Variants in DOC2B observed in about 807,000 individuals in gnomAD.
The protein encoded by DOC2B is double C2-like domain-containing protein beta.
A neutral mutation model predicts 28.9 loss-of-function variants in DOC2B; 21 were observed. That is an observed-to-expected ratio of 0.73 (90% CI 0.52 to 1.05). DOC2B has a LOEUF of 1.05. Ranked by LOEUF, DOC2B falls within the 50% of genes least tolerant of loss-of-function variation. The pLI, the probability that DOC2B is intolerant of heterozygous loss-of-function variation, is 0.00. For missense variants in DOC2B, 384 were observed against 421.1 expected (o/e 0.91, Z 0.77); for synonymous variants, 194 against 178.1 (o/e 1.09, Z -0.71).
intron 1 of DOC2B, among the ~76,000 whole-genome samples, chr17:177,829 T>C (rs2040388385): frequency 6.6e-6 from 1 of 152,276 alleles, no homozygotes; most frequent in Non-Finnish European, 1.5e-5. Flanking sequence ...CCATGGGGGC[T>C]GGAATATGCC....
rs1272320241 is a variant in DOC2B, at chr17:145,883, T to C, written c.*1558A>G. 2.0e-5 allele frequency: 3 copies of C among 152,510 alleles called. No individual in the cohort carries two copies. Among genetic ancestry groups the C allele is most frequent in the Non-Finnish European group, 2.9e-5 (2 of 68,282 alleles). The allele number at this position is 152,510 out of a possible 1,614,324, so 9.4% of individuals were successfully genotyped here. On this transcript the variant is annotated 3_prime_UTR_variant, in exon 9 of 9. Transcript: ENST00000613549. ...TGGGGCCTGGAAGGCCCTGGGCAGG[T>C]CACCTGACCTCTCTGGGCCTGTTTC...
At chr17:176,974 C>A (rs527429952) in intron 1 of DOC2B, among the ~76,000 whole-genome samples, 1 of 152,026 alleles carries the variant, frequency 6.6e-6, no homozygotes, top group African/African-American at 2.4e-5. Flanking sequence ...TCATCATAAC[C>A]TTGGTTTGCA....
chr17:164,081 G>T (rs1555523604), intron 3 of DOC2B, 49 bp downstream of exon 3: 2 of 1,424,576 alleles, frequency 1.4e-6, no homozygotes, highest in Non-Finnish European at 1.9e-6. Context: ...CATTGCCTGA[G>T]GTGGTGGGCG....
rs2040015205 is a variant in DOC2B, at chr17:145,928, G to A, written c.*1513C>T. The A allele has an allele frequency of 6.6e-6, 1 of 152,400 alleles. No individual in the cohort carries two copies. The highest frequency in any genetic ancestry group is 6.5e-5 in the Admixed American group (1 of 15,294). The allele number at this position is 152,400 out of a possible 1,614,324, so 9.4% of individuals were successfully genotyped here. ...TGTTTCCATCACACACTGATGGGCT[G>A]AGCACACTGGGACTCTGGCTGTGCA... On this transcript the variant is annotated 3_prime_UTR_variant, in exon 9 of 9. Transcript: ENST00000613549.
At chr17:150,988 A>T (rs915993262) in intron 6 of DOC2B, among the ~76,000 whole-genome samples, 24 of 152,206 alleles carry the variant, frequency 1.6e-4, no homozygotes, top group Non-Finnish European at 3.1e-4. Context: ...TTGAGACAGA[A>T]AACAGGTGAG....
intron 1 of DOC2B, among the ~76,000 whole-genome samples, chr17:180,749 C>T (rs1047561531): frequency 5.9e-5 from 9 of 151,850 alleles, no homozygotes; most frequent in Admixed American, 1.3e-4. Context: ...CGGGACGCAG[C>T]TCCGCCCTTC....
chr17:164,397 A>G (rs899913713), intron 2 of DOC2B, among the ~76,000 whole-genome samples, 193 bp from the exon 3 acceptor site: 1 of 152,032 alleles, frequency 6.6e-6, no homozygotes, highest in Non-Finnish European at 1.5e-5. Context: ...CCCCTCCCCA[A>G]AACATCCTGG....
intron 5 of DOC2B, among the ~76,000 whole-genome samples, chr17:160,772 G>A (rs552991887): frequency 5.9e-5 from 9 of 152,180 alleles, no homozygotes; most frequent in Non-Finnish European, 1.0e-4. Context: ...CTCAGAGGGC[G>A]TAGCTGCTGG....
intron 1 of DOC2B, among the ~76,000 whole-genome samples, chr17:180,620 G>A (rs1050030206): frequency 3.9e-5 from 6 of 152,024 alleles, no homozygotes; most frequent in African/African-American, 4.8e-5. Context: ...AGGCCGGGCC[G>A]CTCCCAGCCT....
intron 2 of DOC2B, among the ~76,000 whole-genome samples, chr17:170,466 C>G (rs1179024866): frequency 6.6e-6 from 1 of 152,124 alleles, no homozygotes; most frequent in East Asian, 1.9e-4. Context: ...CAAGGGCAGC[C>G]CTTGCTGCCA....
intron 2 of DOC2B, among the ~76,000 whole-genome samples, chr17:169,322 A>C (rs1424285529): frequency 3.3e-5 from 5 of 151,870 alleles, no homozygotes; most frequent in African/African-American, 1.2e-4. Context: ...TAGAGAAGGA[A>C]GCCAAATGGC....
rs968843218 is a variant in DOC2B, at chr17:157,080, CAG to C, written c.766-705_766-704del. Among the ~76,000 whole-genome samples the C allele has an allele frequency of 1.0e-3, 157 of 152,350 alleles. 1 individual carries two copies. The highest frequency in any genetic ancestry group is 3.5e-3 in the African/African-American group (145 of 41,582). The stretch of plus-strand genomic sequence containing the variant: ...TGGTGGCCACAGATTGCGAGGCACA[CAG>C]AGCCTAACATTAGCGCTAAGCGGCC... On this transcript the variant is annotated intron_variant, in intron 5 of 8. Coordinates refer to ENST00000613549, the MANE Select transcript of DOC2B (RefSeq NM_003585.5).
chr17:163,407 G>C (rs553017372), intron 3 of DOC2B: 1 of 152,268 alleles, frequency 6.6e-6, no homozygotes, highest in East Asian at 1.9e-4. Context: ...GGCTGCTGTG[G>C]GCCCCAGGCC....
At chr17:149,956 G>A (rs2040054401) in intron 6 of DOC2B, among the ~76,000 whole-genome samples, 1 of 152,164 alleles carries the variant, frequency 6.6e-6, no homozygotes, top group African/African-American at 2.4e-5. Context: ...TTTGAGGAAG[G>A]ACAAGACCTT....
At chr17:147,873 C>G (rs2040032646) in intron 8 of DOC2B, among the ~76,000 whole-genome samples, 1 of 152,240 alleles carries the variant, frequency 6.6e-6, no homozygotes, top group South Asian at 2.1e-4. Flanking sequence ...TATGCGCAGC[C>G]ACCAGGCCCA....
intron 8 of DOC2B, among the ~76,000 whole-genome samples, chr17:147,827 G>C (rs2040032297): frequency 1.3e-5 from 2 of 152,214 alleles, no homozygotes; most frequent in Non-Finnish European, 2.9e-5. Context: ...AAGGAATGGG[G>C]GCCTGAAGAG....
intron 8 of DOC2B, 126 bp from the exon 9 acceptor site, chr17:147,703 A>G: frequency 5.0e-6 from 2 of 398,312 alleles, no homozygotes. Flanking sequence ...GGTTCTGAGC[A>G]TGAACAGGAC....
chr17:172,116 A>G lies in DOC2B; in HGVS notation c.453+421T>C, dbSNP rs188083387. Among the ~76,000 whole-genome samples, 21 of 152,180 alleles carry G rather than the reference A, an allele frequency of 1.4e-4. No individual in the cohort carries two copies. In the East Asian group the frequency reaches 2.9e-3, roughly 21 times the overall value. Reference sequence around the variant, plus strand: ...CTGCCTGGAGTGGCATCGGCCTCCTACAGTGGCTCGGCTTCCAGGGTGCAA... The same window carrying G: ...CTGCCTGGAGTGGCATCGGCCTCCTGCAGTGGCTCGGCTTCCAGGGTGCAA... On this transcript the variant is annotated intron_variant, in intron 2 of 8. Transcript: ENST00000613549.
intron 7 of DOC2B, 79 bp from the exon 8 acceptor site, chr17:148,348 G>A (rs1468210826): frequency 2.5e-6 from 1 of 398,368 alleles, no homozygotes; most frequent in African/African-American, 2.1e-5. Flanking sequence ...ATGAGGTGTA[G>A]GGACAGAGGA....
Sources: gnomAD v4.1 joint callset for allele counts (sites outside exome capture counted in the v4.1 genomes callset) on GRCh38, gnomAD v4.1.1 for gene constraint, MANE v1.5 for transcripts, NCBI Gene and HGNC (gene_info 2026-07-23, HGNC 2026-07-21) for gene names.